The following PPP1R9A variants were observed in gnomAD, a reference collection of about 807,000 sequenced individuals.
The protein encoded by PPP1R9A is neurabin-1.
In PPP1R9A, 59 loss-of-function variants were observed where a neutral mutation model predicts 141.9. That is an observed-to-expected ratio of 0.42 (90% confidence interval 0.34 to 0.52). The LOEUF is 0.52. Ranked by LOEUF, PPP1R9A falls within the 20% of genes least tolerant of loss-of-function variation. The pLI, the probability that PPP1R9A is intolerant of heterozygous loss-of-function variation, is 0.10. For missense variants in PPP1R9A, 1,444 were observed against 1,611.9 expected (o/e 0.90, Z 1.78); for synonymous variants, 500 against 569.7 (o/e 0.88, Z 1.74).
At chr7:95,020,208 CAG>C (rs1482337620) in intron 2 of PPP1R9A, among the ~76,000 whole-genome samples, 2 of 152,048 alleles carry the variant, frequency 1.3e-5, no homozygotes, top group Non-Finnish European at 2.9e-5. Flanking sequence ...TACCTGGAAA[CAG>C]GGTACAGTGA....
chr7:95,159,465 A>G (rs138938057), intron 4 of PPP1R9A, among the ~76,000 whole-genome samples: 1,588 of 152,224 alleles, frequency 0.01, 25 homozygotes, highest in African/African-American at 0.037. Flanking sequence ...TGCAGAACGT[A>G]CAGGTTTGTT....
intron 2 of PPP1R9A, among the ~76,000 whole-genome samples, chr7:95,050,856 A>G (rs1351323709): frequency 6.6e-6 from 1 of 152,260 alleles, no homozygotes; most frequent in Non-Finnish European, 1.5e-5. Context: ...TTTATATCAT[A>G]GAATTTTATA....
intron 2 of PPP1R9A, among the ~76,000 whole-genome samples, chr7:95,050,822 T>G (rs1810690499): frequency 6.6e-6 from 1 of 152,194 alleles, no homozygotes; most frequent in Non-Finnish European, 1.5e-5. Flanking sequence ...TATAAGTAGG[T>G]AAGGATATAG....
At chr7:95,030,722 G>T (rs1807552868) in intron 2 of PPP1R9A, among the ~76,000 whole-genome samples, 1 of 152,228 alleles carries the variant, frequency 6.6e-6, no homozygotes, top group East Asian at 1.9e-4. Context: ...CCAGTAATTT[G>T]ATCGACTCAA....
chr7:95,171,500 G>A (rs1832107605), intron 5 of PPP1R9A, among the ~76,000 whole-genome samples: 4 of 151,662 alleles, frequency 2.6e-5, no homozygotes, highest in Admixed American at 1.3e-4. Flanking sequence ...AAGTTAGAAT[G>A]AGAAGGTGTA....
chr7:95,108,597 G>A (rs996262874), intron 2 of PPP1R9A, among the ~76,000 whole-genome samples: 1 of 151,892 alleles, frequency 6.6e-6, no homozygotes, highest in African/African-American at 2.4e-5. Context: ...GAATGAAATG[G>A]TGGCATAGTC....
chr7:95,269,055 T>C (rs954258914), intron 13 of PPP1R9A, among the ~76,000 whole-genome samples, 152 bp from the exon 14 acceptor site: 3 of 152,190 alleles, frequency 2.0e-5, no homozygotes, highest in Non-Finnish European at 4.4e-5. Flanking sequence ...ATATGGTGAA[T>C]TGGTATGAAC....
chr7:95,056,375 G>A (rs1811501674), intron 2 of PPP1R9A, among the ~76,000 whole-genome samples: 1 of 152,172 alleles, frequency 6.6e-6, no homozygotes. Flanking sequence ...AGATCAATAT[G>A]CTGGTTTATC....
At chr7:95,094,192 G>T (rs1323738024) in intron 2 of PPP1R9A, among the ~76,000 whole-genome samples, 1 of 152,136 alleles carries the variant, frequency 6.6e-6, no homozygotes, top group Non-Finnish European at 1.5e-5. Flanking sequence ...GTGAAGGCTG[G>T]CCATGTATGC....
chr7:95,188,568 T>TTG (rs995808656), intron 5 of PPP1R9A, among the ~76,000 whole-genome samples: 68 of 150,508 alleles, frequency 4.5e-4, no homozygotes, highest in Admixed American at 8.6e-4. Context: ...TTGTTTTTGT[T>TTG]TGTGTGTGTG....
intron 2 of PPP1R9A, among the ~76,000 whole-genome samples, chr7:95,093,128 T>C (rs957291064): frequency 6.6e-6 from 1 of 152,220 alleles, no homozygotes; most frequent in African/African-American, 2.4e-5. Flanking sequence ...TATTTTGTTT[T>C]GTTTTTTTGG....
In PPP1R9A at chr7:95,103,362, C is replaced by CTTTTTTTTTTTTTTTTTTTTTTTTT. The variant is rs897838647; in HGVS notation, c.1396-7879_1396-7878insTTTTTTTTTTTTTTTTTTTTTTTTT. Among the ~76,000 whole-genome samples the CTTTTTTTTTTTTTTTTTTTTTTTTT allele has an allele frequency of 6.5e-4, 58 of 88,816 alleles. 13 individuals carry two copies. The highest frequency in any genetic ancestry group is 1.4e-3 in the African/African-American group (29 of 21,358). 58.3% of individuals were successfully genotyped at this position (88,816 alleles called of 152,430 possible). On this transcript the variant is annotated intron_variant, in intron 2 of 19. Coordinates refer to ENST00000433360, the MANE Select transcript of PPP1R9A (RefSeq NM_001166160.2). The stretch of plus-strand genomic sequence containing the variant: ...GAGTATGTTTGGTTTTTTTTCACTT[C>CTTTTTTTTTTTTTTTTTTTTTTTTT]TTTTTTTTTTTTTTTTTTGAGACAG...
At chr7:95,023,969 A>G (rs1036327852) in intron 2 of PPP1R9A, among the ~76,000 whole-genome samples, 3 of 152,138 alleles carry the variant, frequency 2.0e-5, no homozygotes, top group African/African-American at 2.4e-5. Context: ...CGTGTCCCAG[A>G]GATTCTGGTA....
chr7:95,189,626 C>T (rs975270936), intron 5 of PPP1R9A, among the ~76,000 whole-genome samples: 25 of 151,150 alleles, frequency 1.7e-4, no homozygotes, highest in African/African-American at 5.1e-4. Context: ...TTAGTAGAGA[C>T]GGGGTTTCAC....
intron 12 of PPP1R9A, among the ~76,000 whole-genome samples, chr7:95,266,000 C>T (rs1035443747): frequency 2.0e-5 from 3 of 152,096 alleles, no homozygotes; most frequent in Admixed American, 1.3e-4. Context: ...AAGCACCAGG[C>T]AAATTATTGA....
chr7:95,066,544 A>G (rs528412929), intron 2 of PPP1R9A, among the ~76,000 whole-genome samples: 1 of 152,352 alleles, frequency 6.6e-6, no homozygotes, highest in African/African-American at 2.4e-5. Context: ...CTATATGTAG[A>G]AGGAATAAAG....
At chr7:94,928,144 A>C (rs1793710379) in intron 2 of PPP1R9A, among the ~76,000 whole-genome samples, 1 of 152,124 alleles carries the variant, frequency 6.6e-6, no homozygotes, top group Non-Finnish European at 1.5e-5. Flanking sequence ...TTTAAAGATG[A>C]ATAAGAATTA....
At position 94,910,883 on chromosome 7, in the gene PPP1R9A, C is replaced by G. The variant is rs1269742942; in HGVS notation, c.770C>G (p.Ser257Cys). 3 of 1,613,970 alleles carry G rather than the reference C, an allele frequency of 1.9e-6. 1 individual carries two copies. The Admixed American group carries it at 5.0e-5, about 27-fold the overall frequency. ...DTFGHLKDSN[S>C]WPPSNKRGVD... ...TTTGGTCACCTGAAGGATTCTAATT[C>G]CTGGCCTCCTTCAAACAAGCGAGGT... The change falls in exon 2 of 20, where the codon TCC becomes TGC. Residue 257 changes from serine to cysteine, a missense_variant. Physicochemically the swap from Ser to Cys is moderately radical, Grantham distance 112. Transcript: ENST00000433360. The surrounding 1 kb of genome is among the most constrained non-coding windows in gnomAD (Gnocchi z 4.5).
chr7:95,079,354 T>C (rs985393161), intron 2 of PPP1R9A, among the ~76,000 whole-genome samples: 3 of 152,170 alleles, frequency 2.0e-5, no homozygotes, highest in African/African-American at 7.2e-5. Flanking sequence ...TCTGTTTTGG[T>C]ACCAGTACCA....
Sources: gnomAD v4.1 joint callset for allele counts (sites outside exome capture counted in the v4.1 genomes callset) on GRCh38, gnomAD v4.1.1 for gene constraint, Gnocchi (gnomAD v3.1) non-coding constraint, MANE v1.5 for transcripts, NCBI Gene and HGNC (gene_info 2026-07-23, HGNC 2026-07-21) for gene names.